PPARD: variants seen among roughly 807,000 people sequenced by gnomAD.
PPARD encodes peroxisome proliferator activated receptor delta, also known as peroxisome proliferator-activated receptor delta.
Under a neutral mutation model 39.5 loss-of-function variants are expected in PPARD, and 6 were observed. The observed-to-expected ratio is 0.15, with a 90% CI of 0.08 to 0.30. PPARD has a LOEUF of 0.30. PPARD is among the 10% of genes least tolerant of loss of function. The pLI, the probability that PPARD is intolerant of heterozygous loss-of-function variation, is 1.00. For missense variants in PPARD, 397 were observed against 596.8 expected (o/e 0.67, Z 3.49); for synonymous variants, 210 against 231.3 (o/e 0.91, Z 0.83).
rs1186310467 is a variant in PPARD, at chr6:35,426,794, C to T, written c.*715C>T. ...AGGCCACCCACTGACCCAACTGATC[C>T]TGCTCCAGCAGCACACCTCAGCCCC... On this transcript the variant is annotated 3_prime_UTR_variant, in exon 8 of 8. Coordinates refer to ENST00000360694, the MANE Select transcript of PPARD (RefSeq NM_006238.5). 6.5e-6 allele frequency: 1 copy of T among 152,782 alleles called. No homozygotes were observed. The highest frequency in any genetic ancestry group is 1.9e-4 in the East Asian group (1 of 5,210). 9.5% of individuals were successfully genotyped at this position (152,782 alleles called of 1,614,324 possible).
At chr6:35,399,915 T>C (rs1289395040) in intron 2 of PPARD, among the ~76,000 whole-genome samples, 2 of 152,234 alleles carry the variant, frequency 1.3e-5, no homozygotes, top group African/African-American at 4.8e-5. Flanking sequence ...TCCTCTATTA[T>C]TGGGCATTGG....
chr6:35,397,447 C>T (rs1764413658), intron 2 of PPARD: 2 of 789,778 alleles, frequency 2.5e-6, no homozygotes, highest in Admixed American at 6.2e-5. Flanking sequence ...ATTCGCTCTC[C>T]ACCACATTTC....
At chr6:35,385,073 C>T (rs1351544032) in intron 2 of PPARD, among the ~76,000 whole-genome samples, 2 of 146,128 alleles carry the variant, frequency 1.4e-5, no homozygotes, top group Admixed American at 6.6e-5. Context: ...CGCCTCTGCC[C>T]GGCCGCCCCT....
At chr6:35,408,320 G>T (rs754248447) in intron 2 of PPARD, among the ~76,000 whole-genome samples, 8 of 152,192 alleles carry the variant, frequency 5.3e-5, no homozygotes, top group Non-Finnish European at 1.2e-4. Flanking sequence ...AGAGAGCTTG[G>T]GGAAATTGAG....
At chr6:35,405,088 T>C (rs543854477) in intron 2 of PPARD, among the ~76,000 whole-genome samples, 2 of 152,262 alleles carry the variant, frequency 1.3e-5, no homozygotes, top group African/African-American at 4.8e-5. Flanking sequence ...AGATGGAGTC[T>C]TGCTCTGTTG....
chr6:35,360,936 A>T (rs1468048003), intron 2 of PPARD, among the ~76,000 whole-genome samples: 1 of 152,150 alleles, frequency 6.6e-6, no homozygotes, highest in Non-Finnish European at 1.5e-5. Flanking sequence ...AACTGTGCCC[A>T]TCTGCCTGCC....
chr6:35,425,532 C>A lies in PPARD; in HGVS notation c.1079-300C>A. 1.2e-6 allele frequency: 1 copy of A among 842,960 alleles called. No homozygotes were observed. Among genetic ancestry groups the A allele is most frequent in the Non-Finnish European group, 1.7e-6 (1 of 598,550 alleles). The allele number at this position is 842,960 out of a possible 1,614,324, so 52.2% of individuals were successfully genotyped here. On this transcript the variant is annotated intron_variant, in intron 7 of 7. Coordinates refer to ENST00000360694, the MANE Select transcript of PPARD (RefSeq NM_006238.5). The surrounding 1 kb of genome is among the most constrained non-coding windows in gnomAD (Gnocchi z 4.5). ...TTTACACATCAGAGAGGCTGAATGACCTGCCTATAGCCTCACAGGCAGACA... is the reference window on the plus strand; with the variant it reads ...TTTACACATCAGAGAGGCTGAATGAACTGCCTATAGCCTCACAGGCAGACA...
intron 2 of PPARD, among the ~76,000 whole-genome samples, chr6:35,349,451 C>T (rs892367455): frequency 2.2e-4 from 33 of 152,212 alleles, no homozygotes; most frequent in African/African-American, 6.8e-4. Flanking sequence ...AATACACTAA[C>T]ACTAACAATA....
chr6:35,421,978 A>C lies in PPARD; in HGVS notation c.424+20A>C. 4 of 1,585,612 alleles carry C rather than the reference A, an allele frequency of 2.5e-6. No homozygotes were observed. Among genetic ancestry groups the C allele is most frequent in the Non-Finnish European group, 3.4e-6 (4 of 1,163,180 alleles). ...ACAACGGTGAGAGCTGACCAGGGCA[A>C]CTCACGGGCTGCTGGCTCCACACAG... On this transcript the variant is annotated intron_variant, in intron 5 of 7. Transcript: ENST00000360694.
intron 2 of PPARD, 81 bp downstream of exon 2, chr6:35,347,231 A>G: frequency 6.8e-7 from 1 of 1,479,820 alleles, no homozygotes. Flanking sequence ...CTTGAAGATG[A>G]AATAATTTCA....
chr6:35,361,593 G>A (rs1157530848), intron 2 of PPARD, among the ~76,000 whole-genome samples: 1 of 152,250 alleles, frequency 6.6e-6, no homozygotes, highest in East Asian at 1.9e-4. Flanking sequence ...CCTGAGTCCA[G>A]TGATTGTTTG....
intron 2 of PPARD, among the ~76,000 whole-genome samples, chr6:35,350,612 C>CTTTTT (rs959545502): frequency 1.1e-4 from 12 of 104,542 alleles, no homozygotes; most frequent in East Asian, 2.5e-4. Context: ...GTCTATGTGT[C>CTTTTT]TTTTTTTTTT....
chr6:35,379,278 A>G (rs1459913937), intron 2 of PPARD, among the ~76,000 whole-genome samples: 1 of 151,428 alleles, frequency 6.6e-6, no homozygotes, highest in African/African-American at 2.4e-5. Flanking sequence ...TAATTTTTGT[A>G]TTTTTAGTAG....
intron 2 of PPARD, among the ~76,000 whole-genome samples, chr6:35,349,812 G>T (rs1408953283): frequency 6.6e-6 from 1 of 151,814 alleles, no homozygotes; most frequent in Non-Finnish European, 1.5e-5. Context: ...CACAATCTTG[G>T]CTCCCTGTAA....
At chr6:35,397,099 G>GCTAC (rs1287884143) in intron 2 of PPARD, among the ~76,000 whole-genome samples, 3 of 152,044 alleles carry the variant, frequency 2.0e-5, no homozygotes, top group Non-Finnish European at 4.4e-5. Flanking sequence ...CCTGTGAGTA[G>GCTAC]GTGCAGGTAC....
At chr6:35,364,749 ACT>A (rs1235570584) in intron 2 of PPARD, among the ~76,000 whole-genome samples, 1 of 142,102 alleles carries the variant, frequency 7.0e-6, no homozygotes. Context: ...ACGGGGTCTC[ACT>A]CTGTCTGGAG....
At position 35,342,604 on chromosome 6, in the gene PPARD, G is replaced by C. The variant is rs1389301078; in HGVS notation, c.-263G>C. 8 of 152,808 alleles carry C rather than the reference G, an allele frequency of 5.2e-5. No homozygotes were observed. The highest frequency in any genetic ancestry group is 4.6e-4 in the Admixed American group (7 of 15,314). 9.5% of individuals were successfully genotyped at this position (152,808 alleles called of 1,614,324 possible). On this transcript the variant is annotated 5_prime_UTR_variant, in exon 1 of 8. Transcript: ENST00000360694. ...CCGCCGCGGACCTGGGGATTAATGG[G>C]AAAAGTTTTGGCAGGAGCGGGAGAA...
At chr6:35,373,621 T>C (rs997480099) in intron 2 of PPARD, among the ~76,000 whole-genome samples, 4 of 152,214 alleles carry the variant, frequency 2.6e-5, no homozygotes, top group African/African-American at 9.6e-5. Context: ...TCTTATACTA[T>C]GACTGTTCTT....
chr6:35,391,526 A>G (rs571791956), intron 2 of PPARD, among the ~76,000 whole-genome samples: 9 of 152,348 alleles, frequency 5.9e-5, no homozygotes, highest in African/African-American at 2.2e-4. Flanking sequence ...AAGTGATGCT[A>G]ACTTGATTCA....
Sources: gnomAD v4.1 joint callset for allele counts (sites outside exome capture counted in the v4.1 genomes callset) on GRCh38, gnomAD v4.1.1 for gene constraint, Gnocchi (gnomAD v3.1) non-coding constraint, MANE v1.5 for transcripts, NCBI Gene and HGNC (gene_info 2026-07-23, HGNC 2026-07-21) for gene names.